The following JDP2 variants were observed in gnomAD, a reference collection of about 807,000 sequenced individuals.
The protein encoded by JDP2 is Jun dimerization protein 2, also known as progesterone receptor co-activator.
JDP2 carries 9 observed loss-of-function variants against 17.1 expected under a neutral mutation model. The ratio of observed to expected loss-of-function variants is 0.53; its 90% CI spans 0.32 to 0.92. JDP2 has a LOEUF of 0.92. Among genes scored for constraint, JDP2 ranks in the 40% least tolerant of loss-of-function variants. JDP2 has a pLI of 0.04. For synonymous variants in JDP2, 107 were observed against 95.6 expected (o/e 1.12, Z -0.69); for missense variants, 179 against 220.0 (o/e 0.81, Z 1.18).
At chr14:75,435,233 C>T (rs1207760475) in intron 1 of JDP2, among the ~76,000 whole-genome samples, 1 of 152,230 alleles carries the variant, frequency 6.6e-6, no homozygotes, top group Non-Finnish European at 1.5e-5. Context: ...GGTTCCATTC[C>T]AGAGGGCTGA....
intron 2 of JDP2, among the ~76,000 whole-genome samples, chr14:75,451,401 A>T (rs1885856309): frequency 6.8e-6 from 1 of 147,802 alleles, no homozygotes; most frequent in South Asian, 2.2e-4. Flanking sequence ...AACAAGAGGG[A>T]CGGGGGTGTG....
At chr14:75,451,477 A>G (rs1226908903) in intron 2 of JDP2, among the ~76,000 whole-genome samples, 1 of 152,120 alleles carries the variant, frequency 6.6e-6, no homozygotes, top group East Asian at 1.9e-4. Flanking sequence ...GCACTTGGAT[A>G]TTTGGGTCTG....
intron 2 of JDP2, among the ~76,000 whole-genome samples, chr14:75,454,874 G>A (rs1247789976): frequency 6.6e-6 from 1 of 152,038 alleles, no homozygotes. Context: ...GGTTTTCTCG[G>A]TTCTGTGGGC....
chr14:75,434,832 G>A (rs377619321), intron 1 of JDP2, among the ~76,000 whole-genome samples: 5 of 152,114 alleles, frequency 3.3e-5, no homozygotes, highest in Non-Finnish European at 7.4e-5. Flanking sequence ...GCCTGATAAC[G>A]AGCATCTAAG....
At chr14:75,465,074 G>A (rs544269361) in intron 3 of JDP2, among the ~76,000 whole-genome samples, 12 of 152,280 alleles carry the variant, frequency 7.9e-5, no homozygotes, top group African/African-American at 2.2e-4. Flanking sequence ...CCCAGTGGCC[G>A]AGTCAGGACG....
chr14:75,427,298 G>C (rs1179691123), upstream of JDP2: 1 of 152,544 alleles, frequency 6.6e-6, no homozygotes, highest in African/African-American at 2.4e-5. This position sits in a 1 kb window ranked among gnomAD's most constrained non-coding sequence, Gnocchi z 4.4. Flanking sequence ...AGAGCAAGCC[G>C]CGGTCTCAGG....
chr14:75,450,511 A>G lies in JDP2; in HGVS notation c.202-10915A>G, dbSNP rs570431020. On this transcript the variant is annotated intron_variant, in intron 2 of 3. Coordinates refer to ENST00000651602, the MANE Select transcript of JDP2 (RefSeq NM_001135048.2). ...CCCAGCCATGGGAGCCGAGTGACTC[A>G]TCTTGGCAGGTGGAGCCATTGCCTC... is the stretch of plus-strand genomic sequence containing the variant. 2.0e-5 allele frequency among the ~76,000 whole-genome samples: 3 copies of G among 152,312 alleles called. No individual in the cohort carries two copies. The East Asian group carries it at 5.8e-4, about 29-fold the overall frequency.
intron 3 of JDP2, among the ~76,000 whole-genome samples, chr14:75,462,279 G>C (rs1285401431): frequency 2.6e-5 from 4 of 152,170 alleles, no homozygotes; most frequent in Non-Finnish European, 5.9e-5. Flanking sequence ...TGCAGGCCAG[G>C]AGTCTCTGGT....
intron 1 of JDP2, among the ~76,000 whole-genome samples, chr14:75,437,649 C>G (rs1309756750): frequency 6.6e-6 from 1 of 152,228 alleles, no homozygotes; most frequent in Non-Finnish European, 1.5e-5. Context: ...ATGATTGGGT[C>G]AAGCATTGCC....
At chr14:75,460,184 C>T (rs934876805) in intron 2 of JDP2, among the ~76,000 whole-genome samples, 13 of 152,224 alleles carry the variant, frequency 8.5e-5, no homozygotes, top group Admixed American at 8.5e-4. Context: ...GAGTCTCCTT[C>T]TCCCCCATTC....
chr14:75,449,232 C>T (rs1566741693), intron 2 of JDP2, among the ~76,000 whole-genome samples: 1 of 152,170 alleles, frequency 6.6e-6, no homozygotes, highest in Non-Finnish European at 1.5e-5. Flanking sequence ...TTTTCACCTT[C>T]ATGATGAAAG....
chr14:75,438,368 T>TGGACAGGGGAG (rs1885177243), intron 2 of JDP2, among the ~76,000 whole-genome samples: 1 of 152,110 alleles, frequency 6.6e-6, no homozygotes, highest in Non-Finnish European at 1.5e-5. Context: ...GGAGGATGTT[T>TGGACAGGGGAG]AACCTGTCTC....
chr14:75,437,771 C>G (rs1018700460), intron 1 of JDP2, 127 bp from the exon 2 acceptor site: 6 of 627,948 alleles, frequency 9.6e-6, no homozygotes, highest in Non-Finnish European at 1.3e-5. Flanking sequence ...GGAAGAGCAG[C>G]TGGGTGGGAA....
chr14:75,450,502 G>A (rs1402566153), intron 2 of JDP2, among the ~76,000 whole-genome samples: 1 of 152,230 alleles, frequency 6.6e-6, no homozygotes, highest in East Asian at 1.9e-4. Context: ...CATGGGAGCC[G>A]AGTGACTCAT....
intron 2 of JDP2, among the ~76,000 whole-genome samples, chr14:75,454,430 T>A (rs1886010187): frequency 6.6e-6 from 1 of 152,322 alleles, no homozygotes; most frequent in East Asian, 1.9e-4. Context: ...TGAATAGAGC[T>A]GTGCTGGGTG....
At chr14:75,444,058 A>C (rs1885482820) in intron 2 of JDP2, among the ~76,000 whole-genome samples, 1 of 152,004 alleles carries the variant, frequency 6.6e-6, no homozygotes, top group Admixed American at 6.6e-5. Flanking sequence ...ACATGTCACC[A>C]TGCCTGGCTA....
intron 2 of JDP2, among the ~76,000 whole-genome samples, chr14:75,442,223 A>T (rs1315098698): frequency 1.3e-5 from 2 of 151,942 alleles, no homozygotes; most frequent in Non-Finnish European, 2.9e-5. Context: ...TTTCTTTTTT[A>T]AAAAATTGAA....
intron 1 of JDP2, chr14:75,432,157 G>A (rs1242750876): frequency 2.8e-5 from 18 of 636,090 alleles, no homozygotes; most frequent in Non-Finnish European, 4.5e-5. Context: ...TTTGCTGCTC[G>A]CCTTCACTCT....
At chr14:75,441,369 C>T (rs536454335) in intron 2 of JDP2, among the ~76,000 whole-genome samples, 21 of 152,304 alleles carry the variant, frequency 1.4e-4, no homozygotes, top group South Asian at 6.2e-4. Flanking sequence ...CAACACATGA[C>T]GTTAAACTGT....
Sources: allele counts gnomAD v4.1 joint callset (sites outside exome capture counted in the v4.1 genomes callset), GRCh38; gene constraint gnomAD v4.1.1; non-coding constraint Gnocchi (gnomAD v3.1); transcripts MANE v1.5; gene names NCBI Gene and HGNC (gene_info 2026-07-23, HGNC 2026-07-21).